SFMBT2: variants seen among roughly 807,000 people sequenced by gnomAD.
SFMBT2 encodes the protein scm-like with four MBT domains protein 2.
SFMBT2 carries 38 observed loss-of-function variants against 110.1 expected under a neutral mutation model. The observed-to-expected ratio is 0.35, with a 90% CI of 0.27 to 0.45. The LOEUF (loss-of-function observed/expected upper bound fraction) is 0.45, where lower values mean the gene tolerates loss of function less well. Among genes scored for constraint, SFMBT2 ranks in the 20% least tolerant of loss-of-function variants. SFMBT2 has a pLI of 1.00. For missense variants in SFMBT2, 1,011 were observed against 1,094.9 expected (o/e 0.92, Z 1.08); for synonymous variants, 425 against 425.4 (o/e 1.00, Z 0.01).
chr10:7,368,731 C>T (rs1231364366), intron 3 of SFMBT2, among the ~76,000 whole-genome samples: 2 of 152,326 alleles, frequency 1.3e-5, no homozygotes, highest in Non-Finnish European at 2.9e-5. Flanking sequence ...TGTCTCTTTC[C>T]TAAACTGCCT....
intron 4 of SFMBT2, among the ~76,000 whole-genome samples, chr10:7,313,602 C>A (rs1842911914): frequency 6.6e-6 from 1 of 152,214 alleles, no homozygotes; most frequent in South Asian, 2.1e-4. Context: ...AGCTACCGCA[C>A]CCAGCCAAAC....
intron 4 of SFMBT2, among the ~76,000 whole-genome samples, chr10:7,311,045 C>CAAAAAAAAAAAAAAAACAAAAAA (rs1842840766): frequency 2.1e-5 from 2 of 96,940 alleles, no homozygotes; most frequent in Admixed American, 1.1e-4. Context: ...AACTCCATCT[C>CAAAAAAAAAAAAAAAACAAAAAA]AAAAAAAAAA....
chr10:7,256,657 G>T (rs559733703), intron 7 of SFMBT2, among the ~76,000 whole-genome samples: 1 of 152,114 alleles, frequency 6.6e-6, no homozygotes, highest in African/African-American at 2.4e-5. Flanking sequence ...CATCGATACC[G>T]ACTTCCATGC....
intron 16 of SFMBT2, among the ~76,000 whole-genome samples, chr10:7,180,464 C>T (rs1325230019): frequency 6.6e-6 from 1 of 151,950 alleles, no homozygotes; most frequent in Non-Finnish European, 1.5e-5. Context: ...CAAAAAGCTG[C>T]CTTGGCCCTG....
At chr10:7,307,696 A>G (rs1842735308) in intron 4 of SFMBT2, among the ~76,000 whole-genome samples, 1 of 152,230 alleles carries the variant, frequency 6.6e-6, no homozygotes, top group East Asian at 1.9e-4. Context: ...AAGGACTTAC[A>G]TGGGAAAGGC....
At chr10:7,369,483 A>C (rs1845004174) in intron 3 of SFMBT2, among the ~76,000 whole-genome samples, 1 of 152,232 alleles carries the variant, frequency 6.6e-6, no homozygotes, top group Non-Finnish European at 1.5e-5. Flanking sequence ...TGACTTTTTA[A>C]AAATTTTCTG....
chr10:7,340,655 C>CAAAA (rs776262305), intron 4 of SFMBT2, among the ~76,000 whole-genome samples: 55 of 86,778 alleles, frequency 6.3e-4, no homozygotes, highest in African/African-American at 2.1e-3. Flanking sequence ...GAACCTATCT[C>CAAAA]AAAAAAAAAA....
intron 10 of SFMBT2, among the ~76,000 whole-genome samples, chr10:7,226,087 C>T (rs1277916031): frequency 1.3e-5 from 2 of 152,186 alleles, no homozygotes; most frequent in African/African-American, 4.8e-5. Flanking sequence ...TGTGCAAAGG[C>T]GACATCATTC....
chr10:7,305,344 C>A (rs538607379), intron 4 of SFMBT2, among the ~76,000 whole-genome samples: 14 of 152,280 alleles, frequency 9.2e-5, no homozygotes, highest in African/African-American at 3.4e-4. Flanking sequence ...TTTTTCCATA[C>A]ATGAACAATA....
intron 1 of SFMBT2, among the ~76,000 whole-genome samples, chr10:7,393,022 TA>T (rs1845821657): frequency 2.7e-5 from 2 of 73,786 alleles, no homozygotes; most frequent in Non-Finnish European, 4.9e-5. Flanking sequence ...TATATATATA[TA>T]TATATATATA....
rs560671598 is a variant in SFMBT2 at position 7,408,329 on chromosome 10, T to C, written c.-52+2532A>G. On this transcript the variant is annotated intron_variant, in intron 1 of 20. Transcript: ENST00000397167. The surrounding 1 kb of genome is among the most constrained non-coding windows in gnomAD (Gnocchi z 5.7). ...CGCTGCCCAGGTGGGAGGGGTCACC[T>C]GCCGCGGGGTCTCCAAGCCAGTGCC... is the stretch of plus-strand genomic sequence containing the variant. Among the ~76,000 whole-genome samples the C allele has an allele frequency of 1.5e-3, 226 of 152,134 alleles. No individual in the cohort carries two copies. The highest frequency in any genetic ancestry group is 5.2e-3 in the African/African-American group (214 of 41,514).
intron 13 of SFMBT2, among the ~76,000 whole-genome samples, 187 bp from the exon 14 acceptor site, chr10:7,200,671 T>C (rs889228891): frequency 3.9e-5 from 6 of 152,238 alleles, no homozygotes; most frequent in Non-Finnish European, 7.3e-5. Flanking sequence ...GAAAAGTTGT[T>C]GTCCAATTCT....
chr10:7,194,777 A>G (rs973861264), intron 15 of SFMBT2, among the ~76,000 whole-genome samples: 3 of 152,180 alleles, frequency 2.0e-5, no homozygotes, highest in Non-Finnish European at 4.4e-5. Context: ...ACATCAGCAA[A>G]AAACTAGTTT....
In SFMBT2 at chr10:7,197,602, A is replaced by C. The variant is rs754343189; in HGVS notation, c.1644T>G (p.Ile548Met). 1.9e-6 allele frequency: 3 copies of C among 1,614,232 alleles called. No individual in the cohort carries two copies. The highest frequency in any genetic ancestry group is 1.7e-6 in the Non-Finnish European group (2 of 1,180,034). ...FSGPYLNKGR[I>M]AELPQSVGPG... ...GTCCCACCGACTGAGGTAGCTCTGCAATCCTTCCTTTGTTCAGGTAAGGGC... is the reference window on the plus strand; with the variant it reads ...GTCCCACCGACTGAGGTAGCTCTGCCATCCTTCCTTTGTTCAGGTAAGGGC... The change falls in exon 15 of 21, where the codon ATT becomes ATG. Residue 548 changes from isoleucine (I) to methionine (M), a missense_variant. Physicochemically the swap from Ile to Met is conservative, Grantham distance 10. This residue lies in a region of SFMBT2 where 979 missense variants were observed against 1,016.1 expected (regional missense o/e 0.96). Coordinates refer to ENST00000397167, the MANE Select transcript of SFMBT2 (RefSeq NM_001387889.1).
At chr10:7,238,862 C>T (rs914084545) in intron 9 of SFMBT2, among the ~76,000 whole-genome samples, 1 of 152,178 alleles carries the variant, frequency 6.6e-6, no homozygotes, top group South Asian at 2.1e-4. Flanking sequence ...AACCTATACA[C>T]ATTTTTGCTT....
chr10:7,186,459 C>CACACACATATAT lies in SFMBT2; in HGVS notation c.1808+2164_1808+2165insATATATGTGTGT, dbSNP rs748644225. On this transcript the variant is annotated intron_variant, in intron 16 of 20. Coordinates refer to ENST00000397167, the MANE Select transcript of SFMBT2 (RefSeq NM_001387889.1). ...ACACACACACACACACACACACACA[C>CACACACATATAT]ATATATATATATATAAAAATATTTT... Among the ~76,000 whole-genome samples, 957 of 126,782 alleles carry CACACACATATAT rather than the reference C, an allele frequency of 7.5e-3. 14 individuals carry two copies. Among genetic ancestry groups the CACACACATATAT allele is most frequent in the African/African-American group, 0.03 (915 of 30,738 alleles). 83.2% of individuals were successfully genotyped at this position (126,782 alleles called of 152,430 possible). A position where few individuals can be genotyped will look rare whatever the true frequency, so the allele number is the denominator to read the frequency against.
chr10:7,411,009 G>A lies in SFMBT2; in HGVS notation c.-200C>T, dbSNP rs1846365159. 6.8e-6 allele frequency among the ~76,000 whole-genome samples: 1 copy of A among 146,682 alleles called. No individual in the cohort carries two copies. Among genetic ancestry groups the A allele is most frequent in the Non-Finnish European group, 1.5e-5 (1 of 67,210 alleles). On this transcript the variant is annotated 5_prime_UTR_variant, in exon 1 of 21. Coordinates refer to ENST00000397167, the MANE Select transcript of SFMBT2 (RefSeq NM_001387889.1). ...CTCGCGCGCCCGCTCCGGTCCTCCGGCTCCCACTACAGCTCATTCCAATAT... is the reference window on the plus strand; with the variant it reads ...CTCGCGCGCCCGCTCCGGTCCTCCGACTCCCACTACAGCTCATTCCAATAT...
intron 1 of SFMBT2, among the ~76,000 whole-genome samples, chr10:7,407,363 G>A (rs1846248216): frequency 6.6e-6 from 1 of 152,100 alleles, no homozygotes. Flanking sequence ...AGGTCTCCCA[G>A]TTCCCTTCTC....
At chr10:7,400,584 C>T (rs1846050931) in intron 1 of SFMBT2, among the ~76,000 whole-genome samples, 1 of 152,260 alleles carries the variant, frequency 6.6e-6, no homozygotes. Flanking sequence ...GGGGCACAGG[C>T]TTGGCAGGGA....
Sources: gnomAD v4.1 joint callset for allele counts (sites outside exome capture counted in the v4.1 genomes callset) on GRCh38, gnomAD v4.1.1 for gene constraint, gnomAD v4.1.1 regional missense constraint, Gnocchi (gnomAD v3.1) non-coding constraint, MANE v1.5 for transcripts, NCBI Gene and HGNC (gene_info 2026-07-23, HGNC 2026-07-21) for gene names.